Variants in KCND3 observed in about 807,000 individuals in gnomAD.
KCND3 encodes the protein A-type voltage-gated potassium channel KCND3.
A neutral mutation model predicts 51.1 loss-of-function variants in KCND3; 9 were observed. The ratio of observed to expected loss-of-function variants is 0.18; its 90% CI spans 0.11 to 0.31. KCND3 has a LOEUF of 0.31. Among genes scored for constraint, KCND3 ranks in the 10% least tolerant of loss-of-function variants. KCND3 has a pLI of 1.00. For missense variants in KCND3, 526 were observed against 903.8 expected, an observed-to-expected ratio of 0.58 and a Z score of 5.36; for synonymous variants, 349 against 368.0, an observed-to-expected ratio of 0.95 and a Z score of 0.59.
chr1:111,920,907 G>A (rs949784787), intron 2 of KCND3, among the ~76,000 whole-genome samples: 2 of 152,172 alleles, frequency 1.3e-5, no homozygotes, highest in African/African-American at 2.4e-5. Flanking sequence ...GCCCCAGCAG[G>A]GAGTCTTTGC....
At chr1:111,915,522 G>A (rs572706464) in intron 2 of KCND3, among the ~76,000 whole-genome samples, 1 of 152,104 alleles carries the variant, frequency 6.6e-6, no homozygotes, top group Non-Finnish European at 1.5e-5. Context: ...GGAGGCCGAG[G>A]TGGGAGGATC....
chr1:111,843,721 A>G (rs1213887035), intron 2 of KCND3, among the ~76,000 whole-genome samples: 2 of 152,206 alleles, frequency 1.3e-5, no homozygotes, highest in East Asian at 3.9e-4. Flanking sequence ...TTGCAAAAAC[A>G]TAGGCTCCTC....
chr1:111,968,919 C>T (rs1033660595), intron 2 of KCND3, among the ~76,000 whole-genome samples: 2 of 152,100 alleles, frequency 1.3e-5, no homozygotes, highest in African/African-American at 4.8e-5. Context: ...CTCCCTGGAA[C>T]CAGAATCTCT....
At chr1:111,798,142 C>A (rs1050473429) in intron 2 of KCND3, among the ~76,000 whole-genome samples, 1 of 152,186 alleles carries the variant, frequency 6.6e-6, no homozygotes, top group African/African-American at 2.4e-5. Flanking sequence ...AGTGGGGCAG[C>A]CCCTTCCATC....
intron 2 of KCND3, among the ~76,000 whole-genome samples, chr1:111,980,330 T>C (rs1307723783): frequency 6.6e-6 from 1 of 151,984 alleles, no homozygotes; most frequent in East Asian, 1.9e-4. Flanking sequence ...CACAAATGGA[T>C]GGTGACACCC....
rs74545127 is a variant in KCND3, at chr1:111,886,814, G to A, written c.1106+94807C>T. Among the ~76,000 whole-genome samples, 1,467 of 152,302 alleles carry A rather than the reference G, an allele frequency of 9.6e-3. 18 individuals are homozygous for A. Among genetic ancestry groups the A allele is most frequent in the Non-Finnish European group, 0.015 (1,029 of 68,024 alleles). Reference sequence around the variant, plus strand: ...GCCTGAGGTGACATGGCCAGTAGACGGTGGATTTGTGTGACCCCAACACAT... The same window carrying A: ...GCCTGAGGTGACATGGCCAGTAGACAGTGGATTTGTGTGACCCCAACACAT... On this transcript the variant is annotated intron_variant, in intron 2 of 7. Transcript: ENST00000302127.
chr1:111,830,090 A>G (rs1557963701), intron 2 of KCND3, among the ~76,000 whole-genome samples: 1 of 152,188 alleles, frequency 6.6e-6, no homozygotes, highest in Non-Finnish European at 1.5e-5. Flanking sequence ...CTATAGATCT[A>G]TATTCATTTA....
chr1:111,926,003 GC>G (rs542062067), intron 2 of KCND3, among the ~76,000 whole-genome samples: 26 of 152,062 alleles, frequency 1.7e-4, no homozygotes, highest in Non-Finnish European at 3.2e-4. Context: ...TATATGCCTA[GC>G]TTACCATTTA....
intron 2 of KCND3, among the ~76,000 whole-genome samples, chr1:111,964,428 C>T (rs558723007): frequency 2.8e-5 from 4 of 142,410 alleles, no homozygotes; most frequent in South Asian, 2.4e-4. Flanking sequence ...CTCCCTCCCC[C>T]GGCCCCCACA....
intron 2 of KCND3, among the ~76,000 whole-genome samples, chr1:111,918,385 G>C (rs780796875): frequency 6.6e-6 from 1 of 152,208 alleles, no homozygotes; most frequent in Non-Finnish European, 1.5e-5. Flanking sequence ...TTAATTGATA[G>C]GCATAGGGCT....
At position 111,776,248 on chromosome 1, in the gene KCND3, G is replaced by A. The variant is rs745523741; in HGVS notation, c.1797C>T (p.Asp599=). ...SRSSLNLKAD[D]GLRPNCKTSQ... ...ATGTTTTGCAGTTTGGTCTCAGTCC[G>A]TCGTCTGCTTTCAAATTAAGGCTGG... is the stretch of plus-strand genomic sequence containing the variant. The change falls in exon 8 of 8, where the codon GAC becomes GAT. Residue 599 remains aspartate, a synonymous_variant. Coordinates refer to ENST00000302127, the MANE Select transcript of KCND3 (RefSeq NM_001378969.1). 2.7e-5 allele frequency: 44 copies of A among 1,614,040 alleles called. No individual in the cohort carries two copies. The highest frequency in any genetic ancestry group is 1.6e-4 in the Middle Eastern group (1 of 6,084).
At chr1:111,811,913 C>T (rs1004985535) in intron 2 of KCND3, among the ~76,000 whole-genome samples, 9 of 152,250 alleles carry the variant, frequency 5.9e-5, no homozygotes, top group South Asian at 4.2e-4. Flanking sequence ...TTCCTTGGCC[C>T]GGGTCAGAAA....
In KCND3 at chr1:111,898,231, C is replaced by G. The variant is rs180920462; in HGVS notation, c.1106+83390G>C. ...GGACTCTATTCATTTTAGCTCTTAC[C>G]TTAGCCTTTCTTTACCATGATTCTA... On this transcript the variant is annotated intron_variant, in intron 2 of 7. Transcript: ENST00000302127. Among the ~76,000 whole-genome samples the G allele has an allele frequency of 8.3e-3, 777 of 93,630 alleles. 9 individuals carry two copies. The highest frequency in any genetic ancestry group is 0.047 in the African/African-American group (726 of 15,350). 61.4% of individuals were successfully genotyped at this position (93,630 alleles called of 152,430 possible).
chr1:111,835,973 T>A (rs1272111506), intron 2 of KCND3, among the ~76,000 whole-genome samples: 1 of 152,222 alleles, frequency 6.6e-6, no homozygotes, highest in African/African-American at 2.4e-5. Flanking sequence ...TGGTAACACA[T>A]CTGTGATCAT....
At chr1:111,903,346 G>A (rs9429420) in intron 2 of KCND3, among the ~76,000 whole-genome samples, 2,462 of 152,332 alleles carry the variant, frequency 0.016, 68 homozygotes, top group African/African-American at 0.056. Context: ...CAACACGGAT[G>A]TAGTGGGGGA....
At chr1:111,948,528 C>T (rs1490254023) in intron 2 of KCND3, among the ~76,000 whole-genome samples, 1 of 152,228 alleles carries the variant, frequency 6.6e-6, no homozygotes, top group African/African-American at 2.4e-5. Flanking sequence ...TCTCTTTCTT[C>T]TTTCTTCTGT....
chr1:111,875,901 C>G lies in KCND3; in HGVS notation c.1107-88795G>C, dbSNP rs1207382393. Among the ~76,000 whole-genome samples, 5 of 152,354 alleles carry G rather than the reference C, an allele frequency of 3.3e-5. No homozygotes were observed. In the East Asian group the frequency reaches 9.6e-4, roughly 29 times the overall value. On this transcript the variant is annotated intron_variant, in intron 2 of 7. Coordinates refer to ENST00000302127, the MANE Select transcript of KCND3 (RefSeq NM_001378969.1). ...TAATAATCTCAGCTTTGAAGTTCCTCACAGCCCCATTCAACATGAAATTGT... is the reference window on the plus strand; with the variant it reads ...TAATAATCTCAGCTTTGAAGTTCCTGACAGCCCCATTCAACATGAAATTGT...
chr1:111,969,359 A>G (rs974558442), intron 2 of KCND3, among the ~76,000 whole-genome samples: 1 of 152,156 alleles, frequency 6.6e-6, no homozygotes, highest in Non-Finnish European at 1.5e-5. Flanking sequence ...CCTATGCTCA[A>G]GTCAGAGGTT....
In KCND3 at chr1:111,851,015, G is replaced by T. The variant is rs55914328; in HGVS notation, c.1107-63909C>A. On this transcript the variant is annotated intron_variant, in intron 2 of 7. Transcript: ENST00000302127. ...GCTCCTGTACTGTGCAGCTGTTTAG[G>T]TCCCTATAATGTCCTTAGAATCATT... Among the ~76,000 whole-genome samples, 1,051 of 152,144 alleles carry T rather than the reference G, an allele frequency of 6.9e-3. 11 individuals are homozygous for T. The highest frequency in any genetic ancestry group is 0.024 in the African/African-American group (996 of 41,482).
Sources: gnomAD v4.1 joint callset for allele counts (sites outside exome capture counted in the v4.1 genomes callset) on GRCh38, gnomAD v4.1.1 for gene constraint, MANE v1.5 for transcripts, NCBI Gene and HGNC (gene_info 2026-07-23, HGNC 2026-07-21) for gene names.